The following SNX3 variants were observed in gnomAD, a reference collection of about 807,000 sequenced individuals.
SNX3 encodes the protein sorting nexin-3.
Under a neutral mutation model 17.7 loss-of-function variants are expected in SNX3, and 5 were observed. That is an observed-to-expected ratio of 0.28 (90% CI 0.15 to 0.59). The LOEUF (loss-of-function observed/expected upper bound fraction) is 0.59, where lower values mean the gene tolerates loss of function less well. Ranked by LOEUF, SNX3 falls within the 20% of genes least tolerant of loss-of-function variation. The pLI is 0.88. For missense variants in SNX3, 132 were observed against 206.8 expected (o/e 0.64, Z 2.22); for synonymous variants, 91 against 76.5 (o/e 1.19, Z -0.99).
At chr6:108,250,710 C>T (rs1239995683) in intron 1 of SNX3, among the ~76,000 whole-genome samples, 1 of 152,130 alleles carries the variant, frequency 6.6e-6, no homozygotes, top group Non-Finnish European at 1.5e-5. Context: ...GAGACTTATA[C>T]AACAGAGAAC....
intron 1 of SNX3, among the ~76,000 whole-genome samples, chr6:108,254,942 G>T (rs1562442347): frequency 6.6e-6 from 1 of 152,232 alleles, no homozygotes; most frequent in Non-Finnish European, 1.5e-5. Context: ...GAGTTAAAAT[G>T]AGGAAAGGAC....
intron 1 of SNX3, among the ~76,000 whole-genome samples, chr6:108,223,939 T>A (rs1774895620): frequency 6.6e-6 from 1 of 152,192 alleles, no homozygotes; most frequent in South Asian, 2.1e-4. Context: ...GCTTTAAAAA[T>A]GTCAACTAAG....
intron 1 of SNX3, among the ~76,000 whole-genome samples, chr6:108,227,183 T>C (rs918779639): frequency 3.9e-5 from 6 of 152,242 alleles, no homozygotes; most frequent in African/African-American, 1.4e-4. Context: ...TCTTTGTAAA[T>C]GCCTTAAAGA....
At chr6:108,254,210 G>A (rs765943096) in intron 1 of SNX3, among the ~76,000 whole-genome samples, 2 of 151,808 alleles carry the variant, frequency 1.3e-5, no homozygotes, top group Non-Finnish European at 2.9e-5. Flanking sequence ...AGGCTCCTCA[G>A]GTGATATGAA....
chr6:108,235,918 T>C lies in SNX3; in HGVS notation c.163-12873A>G, dbSNP rs140731321. ...AAGAAAAAGTATATAGACTTGTTAT[T>C]TATTCAACTCTTCGCTGTTTAGTTC... On this transcript the variant is annotated intron_variant, in intron 1 of 3. Transcript: ENST00000230085. Among the ~76,000 whole-genome samples, 318 of 152,290 alleles carry C rather than the reference T, an allele frequency of 2.1e-3. 3 individuals carry two copies. The highest frequency in any genetic ancestry group is 7.3e-3 in the African/African-American group (303 of 41,566).
chr6:108,218,311 A>G (rs925062976), intron 2 of SNX3, among the ~76,000 whole-genome samples: 1 of 152,210 alleles, frequency 6.6e-6, no homozygotes, highest in Non-Finnish European at 1.5e-5. Flanking sequence ...GCCATTAGAG[A>G]AATAAAAATC....
At chr6:108,222,388 A>G (rs1774816424) in intron 2 of SNX3, 18 of 1,284,260 alleles carry the variant, frequency 1.4e-5, no homozygotes, top group Non-Finnish European at 1.8e-5. Flanking sequence ...ACCAAATTCT[A>G]TTCTAAGAGA....
intron 1 of SNX3, among the ~76,000 whole-genome samples, chr6:108,242,042 T>C (rs975850784): frequency 1.3e-5 from 2 of 152,130 alleles, no homozygotes; most frequent in South Asian, 2.1e-4. Flanking sequence ...AAAAGTATAA[T>C]AGCTGAAATG....
At chr6:108,225,808 G>A (rs1194987162) in intron 1 of SNX3, among the ~76,000 whole-genome samples, 3 of 151,984 alleles carry the variant, frequency 2.0e-5, no homozygotes, top group African/African-American at 7.3e-5. Flanking sequence ...GGCTGAGATG[G>A]GAGGACTGCT....
intron 2 of SNX3, among the ~76,000 whole-genome samples, chr6:108,219,450 T>G (rs1774687626): frequency 6.6e-6 from 1 of 151,882 alleles, no homozygotes; most frequent in Non-Finnish European, 1.5e-5. Flanking sequence ...TACAAAAAAT[T>G]TTTTAAAATT....
At chr6:108,221,597 G>A (rs188839477) in intron 2 of SNX3, among the ~76,000 whole-genome samples, 33 of 135,994 alleles carry the variant, frequency 2.4e-4, no homozygotes, top group Admixed American at 5.7e-4. Context: ...CCATGCTGGA[G>A]TGCAGGGGCA....
In SNX3 at chr6:108,239,398, G is replaced by A. The variant is rs947770357; in HGVS notation, c.163-16353C>T. On this transcript the variant is annotated intron_variant, in intron 1 of 3. Coordinates refer to ENST00000230085, the MANE Select transcript of SNX3 (RefSeq NM_003795.6). ...TGTTTGTAATCCCAGCTACTCAGGA[G>A]CACTGCTTGAGGCCAAGAGTTCAAG... Among the ~76,000 whole-genome samples, 10 of 152,276 alleles carry A rather than the reference G, an allele frequency of 6.6e-5. No individual in the cohort carries two copies. The South Asian group carries it at 1.7e-3, about 25-fold the overall frequency.
rs1774424874 is a variant in SNX3, at chr6:108,212,131, G to A, written c.*18C>T. ...ATCAATCATTAATAGTCACGTTTTT[G>A]CCCCTTCTTGCCAAATTTCAGGCAT... is the stretch of plus-strand genomic sequence containing the variant. On this transcript the variant is annotated 3_prime_UTR_variant, in exon 4 of 4. Coordinates refer to ENST00000230085, the MANE Select transcript of SNX3 (RefSeq NM_003795.6). The A allele has an allele frequency of 2.9e-6, 4 of 1,367,440 alleles. No homozygotes were observed. The highest frequency in any genetic ancestry group is 2.0e-4 in the Middle Eastern group (1 of 5,054). The allele number at this position is 1,367,440 out of a possible 1,614,324, so 84.7% of individuals were successfully genotyped here.
At chr6:108,218,130 T>C (rs1220507364) in intron 2 of SNX3, among the ~76,000 whole-genome samples, 1 of 152,220 alleles carries the variant, frequency 6.6e-6, no homozygotes, top group Non-Finnish European at 1.5e-5. Flanking sequence ...CTGGGAGATA[T>C]GTGCAAATTA....
intron 2 of SNX3, among the ~76,000 whole-genome samples, chr6:108,220,224 A>G (rs1774713471): frequency 6.6e-6 from 1 of 152,154 alleles, no homozygotes; most frequent in South Asian, 2.1e-4. Context: ...TAAAGCCTGC[A>G]GTAATAAACA....
intron 1 of SNX3, among the ~76,000 whole-genome samples, chr6:108,240,813 G>A (rs965891326): frequency 2.0e-5 from 3 of 152,118 alleles, no homozygotes; most frequent in African/African-American, 7.2e-5. Context: ...CCATGGTGGG[G>A]CCTTGATTAA....
At chr6:108,222,212 A>G (rs1774805789) in intron 2 of SNX3, 4 of 1,304,042 alleles carry the variant, frequency 3.1e-6, no homozygotes, top group Non-Finnish European at 4.0e-6. Flanking sequence ...GACTCCTACC[A>G]TACCCACACC....
chr6:108,227,436 C>T (rs1775008491), intron 1 of SNX3, among the ~76,000 whole-genome samples: 1 of 152,162 alleles, frequency 6.6e-6, no homozygotes, highest in South Asian at 2.1e-4. Context: ...AGTGCCAATT[C>T]AGCTCATTTT....
chr6:108,233,452 T>C (rs981812792), intron 1 of SNX3, among the ~76,000 whole-genome samples: 2 of 152,202 alleles, frequency 1.3e-5, no homozygotes, highest in South Asian at 4.1e-4. Flanking sequence ...AACTAGAGAA[T>C]CTCATGCAAC....
Sources: allele counts gnomAD v4.1 joint callset (sites outside exome capture counted in the v4.1 genomes callset), GRCh38; gene constraint gnomAD v4.1.1; transcripts MANE v1.5; gene names NCBI Gene and HGNC (gene_info 2026-07-23, HGNC 2026-07-21).